Variants in MYBPC1 observed in about 807,000 individuals in gnomAD.
MYBPC1 encodes myosin-binding protein C, slow-type.
In MYBPC1, 52 loss-of-function variants were observed where a neutral mutation model predicts 147.1. The ratio of observed to expected loss-of-function variants is 0.35; its 90% CI spans 0.28 to 0.45. MYBPC1 has a LOEUF of 0.45. MYBPC1 is among the 20% of genes least tolerant of loss of function. The probability of loss-of-function intolerance (pLI) is 1.00; values close to 1 mark genes in which losing one functional copy is unlikely to be tolerated. For synonymous variants in MYBPC1, 477 were observed against 475.9 expected (o/e 1.00, Z -0.03); for missense variants, 1,228 against 1,440.3 (o/e 0.85, Z 2.39).
At position 101,659,704 on chromosome 12, in the gene MYBPC1, A is replaced by G; in HGVS notation, c.1800A>G (p.Thr600=). The part of the protein sequence containing the change: ...AIMEGSGRIR[T]ESYPDSSTLV... ...TGGAAGGCAGTGGCCGGATAAGAACAGAATCTTACCCTGATAGCAGCACTC... is the reference window on the plus strand; with the variant it reads ...TGGAAGGCAGTGGCCGGATAAGAACGGAATCTTACCCTGATAGCAGCACTC... The change falls in exon 19 of 32, where the codon ACA becomes ACG. Residue 600 remains threonine, a synonymous_variant. Transcript: ENST00000361466. 3.1e-6 allele frequency: 5 copies of G among 1,614,150 alleles called. No individual in the cohort carries two copies. The highest frequency in any genetic ancestry group is 4.2e-6 in the Non-Finnish European group (5 of 1,179,992).
intron 1 of MYBPC1, among the ~76,000 whole-genome samples, chr12:101,609,151 C>T (rs1013334482): frequency 2.0e-5 from 3 of 152,088 alleles, no homozygotes; most frequent in Non-Finnish European, 4.4e-5. Context: ...CTTTAGGGTT[C>T]CCACTCACAT....
At chr12:101,671,312 C>T (rs1462074036) in intron 24 of MYBPC1, among the ~76,000 whole-genome samples, 2 of 48,926 alleles carry the variant, frequency 4.1e-5, no homozygotes, top group African/African-American at 1.1e-4. Context: ...CACTCATATA[C>T]ACACACACAC....
the MYBPC1 span, among the ~76,000 whole-genome samples, chr12:101,692,152 G>T: frequency 6.6e-6 from 1 of 152,144 alleles, no homozygotes; most frequent in Non-Finnish European, 1.5e-5. Context: ...GGAGAATTGG[G>T]GAAGAGATAT....
rs917343645 is a variant in MYBPC1 at position 101,645,193 on chromosome 12, C to T, written c.965+397C>T. ...GATGACTTTTGCTTTTCCAAAATAA[C>T]GACTATATTTCATAATGGGTGAATA... On this transcript the variant is annotated intron_variant, in intron 12 of 31. Transcript: ENST00000361466. Among the ~76,000 whole-genome samples the T allele has an allele frequency of 4.6e-5, 7 of 152,118 alleles. 1 individual carries two copies. The highest frequency in any genetic ancestry group is 2.1e-4 in the South Asian group (1 of 4,828).
At chr12:101,624,593 C>G (rs2048538102) in intron 3 of MYBPC1, among the ~76,000 whole-genome samples, 2 of 147,978 alleles carry the variant, frequency 1.4e-5, no homozygotes, top group Non-Finnish European at 3.0e-5. Context: ...ACTCAAGTAA[C>G]TCTCTAGCCT....
intron 21 of MYBPC1, 67 bp from the exon 22 acceptor site, chr12:101,663,359 A>G: frequency 7.1e-7 from 1 of 1,402,204 alleles, no homozygotes; most frequent in Non-Finnish European, 1.0e-6. Flanking sequence ...CATTGGTTTT[A>G]TCACAGTTCC....
At chr12:101,649,572 G>A (rs1893964376) in intron 15 of MYBPC1, 146 bp downstream of exon 15, 1 of 912,336 alleles carries the variant, frequency 1.1e-6, no homozygotes, top group South Asian at 1.5e-5. Flanking sequence ...AAGTGTCTAT[G>A]TCAGATCAAT....
chr12:101,689,897 G>A (rs536046119), downstream of MYBPC1, among the ~76,000 whole-genome samples: 8 of 152,082 alleles, frequency 5.3e-5, no homozygotes, highest in East Asian at 1.9e-4. Context: ...ACTCTCTGCC[G>A]GGCGCGGTGG....
At position 101,606,850 on chromosome 12, in the gene MYBPC1, T is replaced by C. The variant is rs552393316; in HGVS notation, c.26-7646T>C. ...TGTTTTTTGTTTCTTTGTTTTGTTT[T>C]GTTTGAGTCTGTCACTCAGGCTGGA... is the stretch of plus-strand genomic sequence containing the variant. On this transcript the variant is annotated intron_variant, in intron 1 of 31. Coordinates refer to ENST00000361466, the MANE Select transcript of MYBPC1 (RefSeq NM_002465.4). Among the ~76,000 whole-genome samples, 6 of 152,198 alleles carry C rather than the reference T, an allele frequency of 3.9e-5. No individual in the cohort carries two copies. In the East Asian group the frequency reaches 1.2e-3, roughly 29 times the overall value.
chr12:101,649,579 C>G (rs1273621804), intron 15 of MYBPC1, among the ~76,000 whole-genome samples, 153 bp downstream of exon 15: 1 of 151,998 alleles, frequency 6.6e-6, no homozygotes, highest in African/African-American at 2.4e-5. Flanking sequence ...TATGTCAGAT[C>G]AATCAGGATA....
intron 12 of MYBPC1, among the ~76,000 whole-genome samples, chr12:101,645,242 T>G (rs1418139975): frequency 6.6e-6 from 1 of 152,268 alleles, no homozygotes; most frequent in Non-Finnish European, 1.5e-5. Flanking sequence ...ATTCAGGTAC[T>G]GTTTTGAGCA....
intron 3 of MYBPC1, among the ~76,000 whole-genome samples, chr12:101,625,194 AT>A (rs376176790): frequency 0.36 from 50,277 of 139,694 alleles, 8,915 homozygotes; most frequent in East Asian, 0.65. Context: ...TAAAAAAAAA[AT>A]AAATAAATAA....
chr12:101,651,310 C>A lies in MYBPC1; in HGVS notation c.1443C>A (p.Ile481=). 2 of 1,614,074 alleles carry A rather than the reference C, an allele frequency of 1.2e-6. No homozygotes were observed. The highest frequency in any genetic ancestry group is 2.2e-5 in the East Asian group (1 of 44,878). ...AAGAAATCTGCCTGAAGTGTGAAAT[C>A]TCTGAAAACATACCAGGAAAATGGA... ...LGKEICLKCE[I]SENIPGKWTK... Residue 481 remains isoleucine, a synonymous_variant, in exon 16 of 32, where the codon ATC becomes ATA. Coordinates refer to ENST00000361466, the MANE Select transcript of MYBPC1 (RefSeq NM_002465.4).
Position 101,636,694 on chromosome 12 carries a change from G to A in MYBPC1, c.631G>A (p.Gly211Arg). 2 of 1,613,696 alleles carry A rather than the reference G, an allele frequency of 1.2e-6. No homozygotes were observed. Among genetic ancestry groups the A allele is most frequent in the South Asian group, 1.1e-5 (1 of 91,072 alleles). Residue 211 changes from glycine (G) to arginine (R), a missense_variant, in exon 10 of 32, where the codon GGA becomes AGA. Around this residue, in one of 2 missense-constraint regions of MYBPC1, gnomAD observed 1,077 missense variants for 1,314.2 expected, o/e 0.82. Transcript: ENST00000361466. ...KRSGEGQEDA[G>R]ELDFSGLLKR... ...CAGTGGAGAAGGTCAAGAGGATGCA[G>A]GAGAACTTGACTTTAGTGGTCTCCT... is the stretch of plus-strand genomic sequence containing the variant.
intron 10 of MYBPC1, among the ~76,000 whole-genome samples, chr12:101,641,859 A>G (rs1892128234): frequency 6.6e-6 from 1 of 152,136 alleles, no homozygotes; most frequent in Admixed American, 6.5e-5. Context: ...AAAGGTAAAA[A>G]ATGGTTCATG....
At chr12:101,626,933 T>A (rs1888746668) in intron 4 of MYBPC1, 23 bp downstream of exon 4, 1 of 1,594,526 alleles carries the variant, frequency 6.3e-7, no homozygotes, top group East Asian at 2.2e-5. Context: ...TCTACCCTTT[T>A]CCCTGCTTTT....
Position 101,673,504 on chromosome 12 carries a change from T to C in MYBPC1, c.2691T>C (p.Ser897=). The C allele has an allele frequency of 1.9e-6, 3 of 1,614,120 alleles. No homozygotes were observed. The highest frequency in any genetic ancestry group is 2.5e-6 in the Non-Finnish European group (3 of 1,179,978). ...AGAATCAAATAAACATTCGCAACTC[T>C]GAGACTGATACAATCATATTTATTA... The part of the protein sequence containing the change: ...IDKNQINIRN[S]ETDTIIFIRK... The change falls in exon 25 of 32, where the codon TCT becomes TCC. Residue 897 remains serine, a synonymous_variant. Coordinates refer to ENST00000361466, the MANE Select transcript of MYBPC1 (RefSeq NM_002465.4).
chr12:101,670,415 A>G lies in MYBPC1; in HGVS notation c.2613+6A>G. On this transcript the variant is annotated splice_donor_region_variant and intron_variant, in intron 24 of 31. Coordinates refer to ENST00000361466, the MANE Select transcript of MYBPC1 (RefSeq NM_002465.4). Reference sequence around the variant, plus strand: ...ATCTGGTTATACCTTTCCAGGTAAGAGTTCAAGGGTCGCTCTTTTTCTCTT... The same window carrying G: ...ATCTGGTTATACCTTTCCAGGTAAGGGTTCAAGGGTCGCTCTTTTTCTCTT... 1.9e-6 allele frequency: 3 copies of G among 1,609,830 alleles called. No individual in the cohort carries two copies. Among genetic ancestry groups the G allele is most frequent in the Non-Finnish European group, 2.6e-6 (3 of 1,176,124 alleles).
intron 29 of MYBPC1, among the ~76,000 whole-genome samples, chr12:101,681,552 TTTCATATATATATATATA>T (rs1162031832): frequency 1.2e-5 from 1 of 81,066 alleles, no homozygotes; most frequent in African/African-American, 5.0e-5. Flanking sequence ...ACAAAATAAC[TTTCATATATATATATATA>T]TATATATATA....
Sources: allele counts gnomAD v4.1 joint callset (sites outside exome capture counted in the v4.1 genomes callset), GRCh38; gene constraint gnomAD v4.1.1; regional missense constraint gnomAD v4.1.1; transcripts MANE v1.5; gene names NCBI Gene and HGNC (gene_info 2026-07-23, HGNC 2026-07-21).